The following UGT3A1 variants were observed in gnomAD, a reference collection of about 807,000 sequenced individuals.
UGT3A1 encodes UDP glycosyltransferase family 3 member A1.
A neutral mutation model predicts 37.6 loss-of-function variants in UGT3A1; 40 were observed. That is an observed-to-expected ratio of 1.06 (90% CI 0.83 to 1.38). The LOEUF (loss-of-function observed/expected upper bound fraction) is 1.38, where lower values mean the gene tolerates loss of function less well. Among genes scored for constraint, UGT3A1 ranks in the 40% most tolerant of loss-of-function variants. The pLI is 0.00. For missense variants in UGT3A1, 642 were observed against 634.2 expected (o/e 1.01, Z -0.13); for synonymous variants, 256 against 232.3 (o/e 1.10, Z -0.93).
At chr5:35,967,105 A>T (rs1332555857) in intron 3 of UGT3A1, among the ~76,000 whole-genome samples, 1 of 152,192 alleles carries the variant, frequency 6.6e-6, no homozygotes. Flanking sequence ...AATATTTAAC[A>T]TGTATCTGGA....
intron 4 of UGT3A1, among the ~76,000 whole-genome samples, chr5:35,959,213 C>T (rs1289178554): frequency 2.0e-5 from 3 of 152,310 alleles, no homozygotes; most frequent in South Asian, 2.1e-4. Context: ...AAAACATGCT[C>T]TTCCATGCCA....
At chr5:35,997,064 A>G (rs188061549) in intron 2 of UGT3A1, among the ~76,000 whole-genome samples, 37 of 152,308 alleles carry the variant, frequency 2.4e-4, no homozygotes, top group Admixed American at 2.4e-3. Context: ...GATTATCTGA[A>G]AAAGGGGCTC....
At chr5:35,983,827 G>A (rs1447985341) in intron 2 of UGT3A1, among the ~76,000 whole-genome samples, 1 of 151,694 alleles carries the variant, frequency 6.6e-6, no homozygotes, top group Non-Finnish European at 1.5e-5. Context: ...ATGCATAAAA[G>A]CATTCAGTAA....
intron 2 of UGT3A1, among the ~76,000 whole-genome samples, chr5:35,982,177 T>A (rs541328356): frequency 1.3e-5 from 2 of 152,354 alleles, no homozygotes; most frequent in African/African-American, 4.8e-5. Flanking sequence ...GAACCTCTAC[T>A]AGGGCAGTGC....
intron 4 of UGT3A1, among the ~76,000 whole-genome samples, chr5:35,959,219 T>C (rs958681062): frequency 9.9e-5 from 15 of 152,184 alleles, no homozygotes; most frequent in Non-Finnish European, 7.3e-5. Flanking sequence ...TGCTCTTCCA[T>C]GCCAGACTGC....
At chr5:35,978,969 A>C (rs137925226) in intron 2 of UGT3A1, among the ~76,000 whole-genome samples, 214 of 152,276 alleles carry the variant, frequency 1.4e-3, no homozygotes, top group African/African-American at 4.9e-3. Context: ...GCAGATCAAA[A>C]ATCCAACAGG....
chr5:35,987,480 A>G (rs1740772646), intron 2 of UGT3A1, among the ~76,000 whole-genome samples: 2 of 150,948 alleles, frequency 1.3e-5, no homozygotes, highest in African/African-American at 5.0e-5. Context: ...GCAGTTTGTC[A>G]AAAGCTATTG....
chr5:35,961,767 C>T (rs907799887), intron 4 of UGT3A1: 1 of 152,220 alleles, frequency 6.6e-6, no homozygotes, highest in Non-Finnish European at 1.5e-5. Context: ...ATTTCTGCAA[C>T]TTCCTCCTGA....
At chr5:35,983,457 A>G (rs1227363653) in intron 2 of UGT3A1, among the ~76,000 whole-genome samples, 2 of 152,174 alleles carry the variant, frequency 1.3e-5, no homozygotes, top group Non-Finnish European at 2.9e-5. Context: ...TCACTGATGA[A>G]TTCTATCAAA....
upstream of UGT3A1, among the ~76,000 whole-genome samples, chr5:35,993,023 T>G (rs928358256): frequency 6.6e-6 from 1 of 152,120 alleles, no homozygotes. Context: ...CAATGCAAAT[T>G]GATAGCTTAT....
intron 4 of UGT3A1, among the ~76,000 whole-genome samples, chr5:35,963,815 G>A (rs1246556992): frequency 6.6e-6 from 1 of 152,208 alleles, no homozygotes; most frequent in Non-Finnish European, 1.5e-5. Context: ...ACCGAGCTGG[G>A]AAGGGAGGGG....
chr5:35,994,337 GT>G (rs1741043867), upstream of UGT3A1, among the ~76,000 whole-genome samples: 1 of 121,850 alleles, frequency 8.2e-6, no homozygotes, highest in African/African-American at 4.7e-5. Flanking sequence ...TTTTGTTTGT[GT>G]GTGTGTGTGT....
intron 4 of UGT3A1, among the ~76,000 whole-genome samples, chr5:35,959,505 A>T (rs1739491825): frequency 6.6e-6 from 1 of 152,228 alleles, no homozygotes; most frequent in African/African-American, 2.4e-5. Flanking sequence ...ACAAAGAGAA[A>T]GCTTTCAATT....
At chr5:35,979,812 AATGGACTCACAGTTCCAC>A (rs1438260910) in intron 2 of UGT3A1, among the ~76,000 whole-genome samples, 18 of 152,360 alleles carry the variant, frequency 1.2e-4, no homozygotes, top group African/African-American at 2.9e-4. Context: ...AAAGATATTT[AATGGACTCACAGTTCCAC>A]ATAGCTGGGG....
chr5:35,956,897 T>A (rs1428928001), intron 5 of UGT3A1, among the ~76,000 whole-genome samples: 1 of 152,156 alleles, frequency 6.6e-6, no homozygotes, highest in African/African-American at 2.4e-5. Context: ...GTGTCAAATG[T>A]AGTAGGGTCA....
chr5:35,994,139 C>T (rs1741035605), upstream of UGT3A1, among the ~76,000 whole-genome samples: 2 of 152,136 alleles, frequency 1.3e-5, no homozygotes, highest in Non-Finnish European at 2.9e-5. Context: ...CTTGGACCTC[C>T]ATCACTAGGT....
Position 35,954,294 on chromosome 5 carries a change from C to A in UGT3A1, c.1480G>T (p.Gly494Trp), listed in dbSNP as rs755225814. 7.4e-6 allele frequency: 12 copies of A among 1,614,038 alleles called. No individual in the cohort carries two copies. Among genetic ancestry groups the A allele is most frequent in the Non-Finnish European group, 1.0e-5 (12 of 1,180,028 alleles). The change falls in exon 7 of 7, where the codon GGG becomes TGG. Residue 494 changes from glycine to tryptophan, a missense_variant. Gly to Trp is a radical substitution (Grantham distance 184). Coordinates refer to ENST00000274278, the MANE Select transcript of UGT3A1 (RefSeq NM_152404.4). ...AGCCACATAGTGCCCAGAGTGAGCC[C>A]CAGCAGAAACACAAAGACATCAATG... ...YLIDVFVFLL[G>W]LTLGTMWLCG...
At chr5:35,967,620 GACAA>G (rs1455732465) in intron 3 of UGT3A1, among the ~76,000 whole-genome samples, 1 of 152,106 alleles carries the variant, frequency 6.6e-6, no homozygotes, top group Non-Finnish European at 1.5e-5. Flanking sequence ...CTTTTTTCTT[GACAA>G]ACAAAAGAGT....
intron 2 of UGT3A1, among the ~76,000 whole-genome samples, chr5:35,979,688 C>T (rs1740440022): frequency 6.6e-6 from 1 of 152,224 alleles, no homozygotes; most frequent in Non-Finnish European, 1.5e-5. Flanking sequence ...GTCACTTCCA[C>T]ATTTTTGGGT....
Sources: gnomAD v4.1 joint callset for allele counts (sites outside exome capture counted in the v4.1 genomes callset) on GRCh38, gnomAD v4.1.1 for gene constraint, MANE v1.5 for transcripts, NCBI Gene and HGNC (gene_info 2026-07-23, HGNC 2026-07-21) for gene names.